Variants in FAM234A observed in about 807,000 individuals in gnomAD.
FAM234A encodes the protein family with sequence similarity 234 member A, also known as protein FAM234A.
Under a neutral mutation model 49.1 loss-of-function variants are expected in FAM234A, and 42 were observed. The ratio of observed to expected loss-of-function variants is 0.86; its 90% CI spans 0.67 to 1.11. FAM234A has a LOEUF of 1.11. Among genes scored for constraint, FAM234A ranks in the 50% least tolerant of loss-of-function variants. FAM234A has a pLI of 0.00. For synonymous variants in FAM234A, 369 were observed against 316.2 expected (o/e 1.17, Z -1.77); for missense variants, 815 against 745.2 (o/e 1.09, Z -1.09).
In FAM234A at chr16:261,451, G is replaced by A; in HGVS notation, c.645G>A (p.Gln215=). The stretch of plus-strand genomic sequence containing the variant: ...CGTCCATCCTGAGCCCTCTGCTGCA[G>A]GTGCCTGATGTGGACGGCGATGGGG... ...GNASILSPLL[Q]VPDVDGDGAP... is the part of the protein sequence containing the mutation. The change falls in exon 6 of 13, where the codon CAG becomes CAA. Residue 215 remains glutamine (Q), a synonymous_variant. Coordinates refer to ENST00000399932, the MANE Select transcript of FAM234A (RefSeq NM_032039.4). 1 of 1,613,608 alleles carries A rather than the reference G, an allele frequency of 6.2e-7. No individual in the cohort carries two copies. The highest frequency in any genetic ancestry group is 8.5e-7 in the Non-Finnish European group (1 of 1,179,928).
chr16:264,587 G>C, intron 11 of FAM234A, 27 bp from the exon 12 acceptor site: 1 of 1,475,740 alleles, frequency 6.8e-7, no homozygotes, highest in South Asian at 1.1e-5. Context: ...TGAAGGGCGT[G>C]GGGCCCATTG....
chr16:251,112 A>C (rs1032442063), intron 2 of FAM234A, among the ~76,000 whole-genome samples: 1 of 152,124 alleles, frequency 6.6e-6, no homozygotes, highest in Non-Finnish European at 1.5e-5. Flanking sequence ...GCCTGCCACC[A>C]TGCCCATCTA....
chr16:264,660 T>G lies in FAM234A; in HGVS notation c.1391T>G (p.Leu464Arg). 1 of 1,612,040 alleles carries G rather than the reference T, an allele frequency of 6.2e-7. No homozygotes were observed. Among genetic ancestry groups the G allele is most frequent in the Non-Finnish European group, 8.5e-7 (1 of 1,179,928 alleles). Residue 464 changes from leucine (L) to arginine (R), a missense_variant, in exon 12 of 13, where the codon CTG (leucine) becomes CGG (arginine). Transcript: ENST00000399932. ...RHSLYMFHPT[L>R]PRVLLELANV... ...AGCCTGTACATGTTCCACCCCACCC[T>G]GCCGCGCGTGCTGCTGGAGCTGGCC...
intron 2 of FAM234A, among the ~76,000 whole-genome samples, chr16:253,561 G>A (rs1217316484): frequency 1.3e-5 from 2 of 151,512 alleles, no homozygotes; most frequent in Non-Finnish European, 2.9e-5. Context: ...TGCAAGCTCC[G>A]CCTCCCGGGT....
Position 254,670 on chromosome 16 carries a change from A to T in FAM234A, c.257A>T (p.Tyr86Phe). ...TCACAGCGAATGTGGAGGATAGACTACAGTGCCGCTGGTGAGCCTCGGCTT... is the reference window on the plus strand; with the variant it reads ...TCACAGCGAATGTGGAGGATAGACTTCAGTGCCGCTGGTGAGCCTCGGCTT... ...PASQRMWRID[Y>F]SAAVIYDFLA... The change falls in exon 3 of 13, where the codon TAC becomes TTC. Residue 86 changes from tyrosine (Y) to phenylalanine (F), a missense_variant. Transcript: ENST00000399932. The T allele has an allele frequency of 6.2e-7, 1 of 1,613,560 alleles. No individual in the cohort carries two copies. The highest frequency in any genetic ancestry group is 8.5e-7 in the Non-Finnish European group (1 of 1,179,880).
rs190101769 is a variant in FAM234A, at chr16:239,022, C to T, written c.-140+4165C>T. On this transcript the variant is annotated intron_variant, in intron 1 of 12. Transcript: ENST00000399932. Reference sequence around the variant, plus strand: ...GTTTGAACCCAGGAGGCGGAGGTTGCGGTGAGCTGAGATCGCTCCGCTACA... The same window carrying T: ...GTTTGAACCCAGGAGGCGGAGGTTGTGGTGAGCTGAGATCGCTCCGCTACA... Among the ~76,000 whole-genome samples, 235 of 140,044 alleles carry T rather than the reference C, an allele frequency of 1.7e-3. 1 individual carries two copies. The highest frequency in any genetic ancestry group is 5.8e-3 in the African/African-American group (217 of 37,474). 91.9% of individuals were successfully genotyped at this position (140,044 alleles called of 152,430 possible). A position where few individuals can be genotyped will look rare whatever the true frequency, so the allele number is the denominator to read the frequency against.
At chr16:236,612 C>G (rs1371722812) in intron 1 of FAM234A, among the ~76,000 whole-genome samples, 1 of 141,622 alleles carries the variant, frequency 7.1e-6, no homozygotes, top group Non-Finnish European at 1.5e-5. Context: ...GCGAGACTGT[C>G]TCAAAATAAA....
chr16:243,414 C>G (rs1354290536), intron 1 of FAM234A, among the ~76,000 whole-genome samples: 1 of 152,228 alleles, frequency 6.6e-6, no homozygotes, highest in Non-Finnish European at 1.5e-5. Context: ...TCAAGTCTCT[C>G]TGACCTGGGT....
chr16:244,752 G>A lies in FAM234A; in HGVS notation c.-139-4797G>A, dbSNP rs7199854. 5.9e-3 allele frequency among the ~76,000 whole-genome samples: 835 copies of A among 141,738 alleles called. 15 individuals carry two copies. The highest frequency in any genetic ancestry group is 0.02 in the African/African-American group (772 of 37,990). 93.0% of individuals were successfully genotyped at this position (141,738 alleles called of 152,430 possible). A position where few individuals can be genotyped will look rare whatever the true frequency, so the allele number is the denominator to read the frequency against. On this transcript the variant is annotated intron_variant, in intron 1 of 12. Transcript: ENST00000399932. ...TGCCCAGGCTGGAGTGGAATGGCAC[G>A]ATCTTGGCCACTGCACCCTCTGCCT...
rs1482815829 is a variant in FAM234A at position 264,091 on chromosome 16, T to C, written c.1264T>C (p.Ser422Pro). ...CCCGAGCCTCCCTGGGGGTCCACTG[T>C]CCGCCAGCCTGCCGACCGCAGACCA... is the stretch of plus-strand genomic sequence containing the variant. ...ALPSLPGGPL[S>P]ASLPTADHRS... is the part of the protein sequence containing the mutation. The change falls in exon 11 of 13, where the codon TCC becomes CCC. Residue 422 changes from serine to proline, a missense_variant. Transcript: ENST00000399932. 3 of 1,612,176 alleles carry C rather than the reference T, an allele frequency of 1.9e-6. No individual in the cohort carries two copies. The highest frequency in any genetic ancestry group is 2.2e-5 in the East Asian group (1 of 44,874).
At position 260,245 on chromosome 16, in the gene FAM234A, A is replaced by G. The variant is rs575131518; in HGVS notation, c.577+85A>G. On this transcript the variant is annotated intron_variant, in intron 5 of 12. Coordinates refer to ENST00000399932, the MANE Select transcript of FAM234A (RefSeq NM_032039.4). ...TGAGGGCTAATGCCAGGAGGCCGCG[A>G]CGAGGCTCAGCCCTGTGATCTTGAG... 1.4e-5 allele frequency: 18 copies of G among 1,256,056 alleles called. No individual in the cohort carries two copies. In the South Asian group the frequency reaches 2.3e-4, roughly 16 times the overall value. The allele number at this position is 1,256,056 out of a possible 1,614,324, so 77.8% of individuals were successfully genotyped here.
Position 265,181 on chromosome 16 carries a change from C to T in FAM234A, c.*159C>T. On this transcript the variant is annotated 3_prime_UTR_variant, in exon 13 of 13. Transcript: ENST00000399932. Reference sequence around the variant, plus strand: ...CAGCCTTACCAGTCCTCCATGATCACACCCAGGGACCTGCATGGGTGAGGG... The same window carrying T: ...CAGCCTTACCAGTCCTCCATGATCATACCCAGGGACCTGCATGGGTGAGGG... 7.0e-7 allele frequency: 1 copy of T among 1,423,530 alleles called. No individual in the cohort carries two copies. Among genetic ancestry groups the T allele is most frequent in the East Asian group, 2.5e-5 (1 of 39,562 alleles). The allele number at this position is 1,423,530 out of a possible 1,614,324, so 88.2% of individuals were successfully genotyped here. A position where few individuals can be genotyped will look rare whatever the true frequency, so the allele number is the denominator to read the frequency against.
At chr16:264,293 C>T in intron 11 of FAM234A, 122 bp downstream of exon 11, 2 of 1,082,926 alleles carry the variant, frequency 1.8e-6, no homozygotes, top group Non-Finnish European at 1.3e-6. Context: ...AAGTTGAAGT[C>T]CAGTGACAGT....
chr16:269,117 T>C (rs1272123696), downstream of FAM234A: 4 of 890,456 alleles, frequency 4.5e-6, no homozygotes, highest in African/African-American at 5.0e-5. Flanking sequence ...AGGGAGGCTG[T>C]GCACCCCACA....
At chr16:269,102 G>A (rs966801593), downstream of FAM234A, 12 of 904,180 alleles carry the variant, frequency 1.3e-5, no homozygotes, top group Non-Finnish European at 2.0e-5. Flanking sequence ...GGGCTTGCTG[G>A]AGGGAGGGAG....
chr16:238,357 T>C (rs1354866005), intron 1 of FAM234A, among the ~76,000 whole-genome samples: 1 of 152,000 alleles, frequency 6.6e-6, no homozygotes, highest in Non-Finnish European at 1.5e-5. Context: ...AGCTTACCAC[T>C]CCTGTGGGAC....
At chr16:237,442 T>C (rs2050443860) in intron 1 of FAM234A, among the ~76,000 whole-genome samples, 1 of 152,048 alleles carries the variant, frequency 6.6e-6, no homozygotes, top group Admixed American at 6.6e-5. Context: ...TGGAGTCTTT[T>C]CTGTTTTTTC....
At chr16:235,575 T>C (rs1192975843) in intron 1 of FAM234A, among the ~76,000 whole-genome samples, 1 of 152,238 alleles carries the variant, frequency 6.6e-6, no homozygotes, top group Non-Finnish European at 1.5e-5. Context: ...TCTCTGGTTC[T>C]AAACCTTGTG....
downstream of FAM234A, chr16:269,549 T>TGTACATGTCA: frequency 6.2e-7 from 1 of 1,613,470 alleles, no homozygotes; most frequent in Non-Finnish European, 8.5e-7. Context: ...AGGAGGGCCT[T>TGTACATGTCA]GTACATGTCA....
Sources: allele counts gnomAD v4.1 joint callset (sites outside exome capture counted in the v4.1 genomes callset), GRCh38; gene constraint gnomAD v4.1.1; transcripts MANE v1.5; gene names NCBI Gene and HGNC (gene_info 2026-07-23, HGNC 2026-07-21).